The following TECRL variants were observed in gnomAD, a reference collection of about 807,000 sequenced individuals.
TECRL encodes the protein trans-2,3-enoyl-CoA reductase-like.
In TECRL, 63 loss-of-function variants were observed where a neutral mutation model predicts 52.8. The observed-to-expected ratio is 1.19, with a 90% CI of 0.97 to 1.47. The LOEUF is 1.47. Ranked by LOEUF, TECRL falls within the 40% of genes most tolerant of loss-of-function variation. The pLI is 0.00. For synonymous variants in TECRL, 164 were observed against 141.9 expected (o/e 1.16, Z -1.10); for missense variants, 482 against 429.6 (o/e 1.12, Z -1.08).
rs569955789 is a variant in TECRL, at chr4:64,404,026, C to T, written c.234+5092G>A. Among the ~76,000 whole-genome samples, 17 of 151,938 alleles carry T rather than the reference C, an allele frequency of 1.1e-4. No homozygotes were observed. The East Asian group carries it at 3.3e-3, about 29-fold the overall frequency. On this transcript the variant is annotated intron_variant, in intron 1 of 11. Transcript: ENST00000381210. ...TGTACAAGGTAAAGTATTAAAATGGCAATGTCAAAAATTAAGAATTGTCAA... is the reference window on the plus strand; with the variant it reads ...TGTACAAGGTAAAGTATTAAAATGGTAATGTCAAAAATTAAGAATTGTCAA...
intron 2 of TECRL, among the ~76,000 whole-genome samples, chr4:64,367,855 C>A (rs1184582935): frequency 6.6e-6 from 1 of 152,034 alleles, no homozygotes; most frequent in Non-Finnish European, 1.5e-5. Context: ...ATATTTATTT[C>A]AATTCCACGG....
At chr4:64,337,701 C>A (rs1259746595) in intron 2 of TECRL, among the ~76,000 whole-genome samples, 2 of 152,034 alleles carry the variant, frequency 1.3e-5, no homozygotes, top group Non-Finnish European at 2.9e-5. Context: ...AATAAAATAC[C>A]TAGGAATCCA....
chr4:64,382,420 T>G (rs1309635005), intron 1 of TECRL, among the ~76,000 whole-genome samples: 2 of 149,946 alleles, frequency 1.3e-5, no homozygotes, highest in Non-Finnish European at 3.0e-5. Context: ...GTATATATAT[T>G]TAGAATTGTT....
rs1259418118 is a variant in TECRL at position 64,322,716 on chromosome 4, G to T, written c.408C>A (p.Asp136Glu). Residue 136 changes from aspartate (D) to glutamate (E), a missense_variant, in exon 4 of 12, where the codon GAC becomes GAA. Transcript: ENST00000381210. ...ASSIVTLYAT[D>E]LGQQVSWTTV... ...TGGTCCAACTGACTTGTTGACCTAG[G>T]TCTGTAGCATACAGTGTGACAATGG... 4 of 1,610,532 alleles carry T rather than the reference G, an allele frequency of 2.5e-6. No homozygotes were observed. The Admixed American group carries it at 5.0e-5, about 20-fold the overall frequency.
intron 1 of TECRL, among the ~76,000 whole-genome samples, chr4:64,395,538 G>T (rs896711991): frequency 3.3e-5 from 5 of 152,098 alleles, no homozygotes; most frequent in Non-Finnish European, 5.9e-5. Flanking sequence ...CTACCAAAAT[G>T]TATTGATATC....
intron 1 of TECRL, among the ~76,000 whole-genome samples, chr4:64,392,794 C>T (rs1283943396): frequency 1.3e-5 from 2 of 151,998 alleles, no homozygotes; most frequent in African/African-American, 4.8e-5. Context: ...CAGGCCTATG[C>T]TGTACTTTAT....
intron 4 of TECRL, among the ~76,000 whole-genome samples, chr4:64,322,135 TCA>T: frequency 1.3e-5 from 2 of 152,136 alleles, no homozygotes; most frequent in Non-Finnish European, 2.9e-5. Flanking sequence ...TTCAGCTCTC[TCA>T]AAAGAGTATC....
intron 1 of TECRL, among the ~76,000 whole-genome samples, chr4:64,388,253 G>C (rs1169464739): frequency 1.6e-5 from 2 of 124,286 alleles, no homozygotes; most frequent in African/African-American, 5.6e-5. Flanking sequence ...ATGTCTAGTT[G>C]CTCCAGCACT....
chr4:64,302,060 T>G (rs1288293761), intron 7 of TECRL, among the ~76,000 whole-genome samples: 4 of 151,326 alleles, frequency 2.6e-5, no homozygotes, highest in Non-Finnish European at 5.9e-5. Context: ...TATATTAAGA[T>G]TTTTGAACAT....
intron 2 of TECRL, among the ~76,000 whole-genome samples, chr4:64,343,744 T>C (rs1349448322): frequency 2.6e-5 from 4 of 152,120 alleles, no homozygotes; most frequent in African/African-American, 9.7e-5. Flanking sequence ...GTTAGGTTTC[T>C]ACTCATGGAA....
chr4:64,313,995 A>G (rs1410187526), intron 5 of TECRL, among the ~76,000 whole-genome samples: 4 of 145,788 alleles, frequency 2.7e-5, no homozygotes, highest in Non-Finnish European at 6.0e-5. Flanking sequence ...AAAAAAAAAA[A>G]AAAAATTAGC....
At chr4:64,297,243 C>T (rs1723739743) in intron 8 of TECRL, among the ~76,000 whole-genome samples, 1 of 151,268 alleles carries the variant, frequency 6.6e-6, no homozygotes, top group South Asian at 2.1e-4. Context: ...ATAGATTAAT[C>T]TGACATGGGT....
chr4:64,322,985 T>G (rs2110032008), intron 3 of TECRL, among the ~76,000 whole-genome samples, 193 bp from the exon 4 acceptor site: 1 of 152,258 alleles, frequency 6.6e-6, no homozygotes, highest in Middle Eastern at 3.4e-3. Flanking sequence ...ACTCTTCAAA[T>G]GCACAGTGGT....
At position 64,299,983 on chromosome 4, in the gene TECRL, G is replaced by T. The variant is rs1424327237; in HGVS notation, c.765C>A (p.Ile255=). The T allele has an allele frequency of 2.1e-5, 33 of 1,576,846 alleles. No individual in the cohort carries two copies. The highest frequency in any genetic ancestry group is 2.8e-5 in the Non-Finnish European group (33 of 1,158,382). Residue 255 remains isoleucine, a synonymous_variant, in exon 8 of 12, where the codon ATC becomes ATA. Transcript: ENST00000381210. ...TATATATGATACATACCAGAAAATT[G>T]ATAGCAGATACTGTGATTTGCCTGT... ...FGNRQITVSA[I]NFLICEAGNH...
Position 64,309,115 on chromosome 4 carries a change from AAT to A in TECRL, c.657+709_657+710del, listed in dbSNP as rs564113217. Among the ~76,000 whole-genome samples the A allele has an allele frequency of 4.3e-3, 658 of 152,284 alleles. 2 individuals carry two copies. The highest frequency in any genetic ancestry group is 5.8e-3 in the Non-Finnish European group (396 of 68,002). ...ATCTTCTATTAAAAAAGCAGTCCTAAATAACTTCTGAGGTCTCAGAATTTCAG... is the reference window on the plus strand; with the variant it reads ...ATCTTCTATTAAAAAAGCAGTCCTAAAACTTCTGAGGTCTCAGAATTTCAG... On this transcript the variant is annotated intron_variant, in intron 6 of 11. Transcript: ENST00000381210.
intron 5 of TECRL, among the ~76,000 whole-genome samples, chr4:64,311,667 A>G (rs973965756): frequency 2.6e-5 from 4 of 152,212 alleles, no homozygotes; most frequent in African/African-American, 9.6e-5. Flanking sequence ...CTAGAGACTT[A>G]GTTTATATAT....
intron 7 of TECRL, among the ~76,000 whole-genome samples, chr4:64,302,828 A>G (rs1724099634): frequency 6.6e-6 from 1 of 151,428 alleles, no homozygotes; most frequent in Admixed American, 6.6e-5. Context: ...ATTTATTAAG[A>G]TTATACCTGC....
At chr4:64,321,544 C>A (rs282248) in intron 4 of TECRL, among the ~76,000 whole-genome samples, 6,144 of 152,134 alleles carry the variant, frequency 0.04, 157 homozygotes, top group African/African-American at 0.063. Context: ...GCTCATTATT[C>A]TTTGTATATC....
At chr4:64,337,025 C>T (rs143158326) in intron 2 of TECRL, among the ~76,000 whole-genome samples, 11,864 of 152,002 alleles carry the variant, frequency 0.078, 621 homozygotes, top group African/African-American at 0.14. Flanking sequence ...CTATTAGGTC[C>T]GCTTGGTGCA....
Sources: gnomAD v4.1 joint callset for allele counts (sites outside exome capture counted in the v4.1 genomes callset) on GRCh38, gnomAD v4.1.1 for gene constraint, MANE v1.5 for transcripts, NCBI Gene and HGNC (gene_info 2026-07-23, HGNC 2026-07-21) for gene names.